The following IPO5 variants were observed in gnomAD, a reference collection of about 807,000 sequenced individuals.
IPO5 encodes importin-5.
A neutral mutation model predicts 143.3 loss-of-function variants in IPO5; 18 were observed. The observed-to-expected ratio is 0.13, with a 90% confidence interval of 0.09 to 0.19. The LOEUF is 0.19. Among genes scored for constraint, IPO5 ranks in the 10% least tolerant of loss-of-function variants. The pLI, the probability that IPO5 is intolerant of heterozygous loss-of-function variation, is 1.00. For synonymous variants in IPO5, 477 were observed against 465.7 expected (o/e 1.02, Z -0.31); for missense variants, 1,013 against 1,336.9 (o/e 0.76, Z 3.78).
intron 21 of IPO5, among the ~76,000 whole-genome samples, chr13:98,013,270 G>A (rs1181430212): frequency 6.6e-6 from 1 of 152,056 alleles, no homozygotes; most frequent in African/African-American, 2.4e-5. Flanking sequence ...GTAGAGACGG[G>A]CTTTCACCAC....
At chr13:97,979,724 G>T (rs645882) in intron 4 of IPO5, 1 of 353,374 alleles carries the variant, frequency 2.8e-6, no homozygotes, top group Non-Finnish European at 5.6e-6. Context: ...TAGAGACAGG[G>T]TCTTGCTGTG....
intron 3 of IPO5, chr13:97,975,749 C>G: frequency 6.2e-6 from 1 of 161,582 alleles, no homozygotes. Flanking sequence ...AACAGAATCC[C>G]TAAACAAGGG....
intron 13 of IPO5, 165 bp downstream of exon 13, chr13:98,000,810 T>G: frequency 1.7e-6 from 1 of 586,580 alleles, no homozygotes; most frequent in Non-Finnish European, 3.1e-6. Flanking sequence ...CCAAAGAAAA[T>G]GTACAGATTT....
At position 97,993,202 on chromosome 13, in the gene IPO5, A is replaced by G. The variant is rs764386112; in HGVS notation, c.890A>G (p.His297Arg). ...ACTGCAGCTGCTATGTTAAGAAAAC[A>G]TACCAATATTGTTGCACAGACTAGT... ...SETAAAMLRK[H>R]TNIVAQTIPQ... The change falls in exon 11 of 29, where the codon CAT becomes CGT. Residue 297 changes from histidine (H) to arginine (R), a missense_variant. Coordinates refer to ENST00000651721, the MANE Select transcript of IPO5 (RefSeq NM_002271.6). The G allele has an allele frequency of 6.8e-6, 11 of 1,613,994 alleles. No individual in the cohort carries two copies. Among genetic ancestry groups the G allele is most frequent in the Non-Finnish European group, 8.5e-6 (10 of 1,179,984 alleles).
Position 97,989,278 on chromosome 13 carries a change from T to A in IPO5, c.467+114T>A, listed in dbSNP as rs1003742857. ...TTATACTTAAAATGATAATAATGCC[T>A]TTACATAAGTTTTGTTTGTATTTGT... On this transcript the variant is annotated intron_variant, in intron 7 of 28. Transcript: ENST00000651721. 1.6e-5 allele frequency: 9 copies of A among 545,794 alleles called. No homozygotes were observed. The African/African-American group carries it at 1.8e-4, about 11-fold the overall frequency. The allele number at this position is 545,794 out of a possible 1,614,324, so 33.8% of individuals were successfully genotyped here.
chr13:98,007,123 G>A (rs1322255808), intron 17 of IPO5, among the ~76,000 whole-genome samples: 2 of 151,980 alleles, frequency 1.3e-5, no homozygotes, highest in Non-Finnish European at 2.9e-5. Context: ...TCTGCTCACA[G>A]GTGTGAGCCA....
rs201279072 is a variant in IPO5 at position 98,008,041 on chromosome 13, C to G, written c.1717-18C>G. 6.5e-7 allele frequency: 1 copy of G among 1,538,172 alleles called. No individual in the cohort carries two copies. The highest frequency in any genetic ancestry group is 1.4e-5 in the African/African-American group (1 of 73,316). On this transcript the variant is annotated intron_variant, in intron 17 of 28. Transcript: ENST00000651721. ...AAATTCGGTATCAACAAGTGTGTCT[C>G]TACATATTTTCCTCTAGTTCATGCA... is the stretch of plus-strand genomic sequence containing the variant.
At chr13:97,953,912 T>C in intron 1 of IPO5, 196 bp downstream of exon 1, 1 of 456,112 alleles carries the variant, frequency 2.2e-6, no homozygotes. Context: ...TGGAGAACAT[T>C]CTACACAAAA....
intron 20 of IPO5, among the ~76,000 whole-genome samples, chr13:98,010,590 G>A (rs1214281201): frequency 6.6e-6 from 1 of 152,054 alleles, no homozygotes; most frequent in Non-Finnish European, 1.5e-5. Context: ...ATGAACAGAA[G>A]TGTGTTCATG....
rs867180035 is a variant in IPO5, at chr13:98,019,751, C to T, written c.3007C>T (p.His1003Tyr). Reference protein sequence around the residue: ...LPHWLSWLPLHEDKEEAVQTF... With the variant: ...LPHWLSWLPLYEDKEEAVQTF... ...ACACTGGTTGTCTTGGCTTCCACTA[C>T]ATGAAGATAAAGAAGAAGCTGTTCA... Residue 1003 changes from histidine to tyrosine, a missense_variant, in exon 27 of 29, where the codon CAT (histidine) becomes TAT (tyrosine). Coordinates refer to ENST00000651721, the MANE Select transcript of IPO5 (RefSeq NM_002271.6). 6.2e-7 allele frequency: 1 copy of T among 1,614,070 alleles called. No individual in the cohort carries two copies. The highest frequency in any genetic ancestry group is 8.5e-7 in the Non-Finnish European group (1 of 1,179,934).
intron 25 of IPO5, among the ~76,000 whole-genome samples, chr13:98,017,213 C>G (rs143481992): frequency 6.6e-6 from 1 of 150,834 alleles, no homozygotes; most frequent in African/African-American, 2.4e-5. Context: ...TTATGTACTA[C>G]CAGCAATCAT....
intron 4 of IPO5, among the ~76,000 whole-genome samples, chr13:97,981,769 T>G (rs1886866110): frequency 6.6e-6 from 1 of 152,228 alleles, no homozygotes; most frequent in Admixed American, 6.5e-5. Context: ...GGACAGCATA[T>G]AGTTGGTTCT....
At chr13:97,983,537 A>AGCCC (rs1887035838) in intron 5 of IPO5, among the ~76,000 whole-genome samples, 1 of 99,552 alleles carries the variant, frequency 1.0e-5, no homozygotes, top group African/African-American at 3.7e-5. Flanking sequence ...AGCTAATTCC[A>AGCCC]CCCCCCCCCC....
chr13:97,965,430 G>A (rs1885250015), intron 2 of IPO5, among the ~76,000 whole-genome samples: 1 of 152,082 alleles, frequency 6.6e-6, no homozygotes, highest in Non-Finnish European at 1.5e-5. Context: ...TGAATCTATA[G>A]ATTAAGGGAG....
At chr13:97,997,381 T>C in intron 11 of IPO5, 150 bp from the exon 12 acceptor site, 1 of 432,146 alleles carries the variant, frequency 2.3e-6, no homozygotes, top group Admixed American at 4.1e-5. Flanking sequence ...GGTTAAAATT[T>C]AACAAACCAG....
intron 3 of IPO5, among the ~76,000 whole-genome samples, chr13:97,974,753 A>G (rs1265080116): frequency 6.6e-6 from 1 of 152,146 alleles, no homozygotes; most frequent in African/African-American, 2.4e-5. Context: ...TGGTTTGTCT[A>G]GAAGAAATAA....
At chr13:97,967,818 A>G (rs1160109396) in intron 2 of IPO5, among the ~76,000 whole-genome samples, 1 of 152,082 alleles carries the variant, frequency 6.6e-6, no homozygotes, top group South Asian at 2.1e-4. Flanking sequence ...TTTTTAGCAG[A>G]GACGGCGTTT....
chr13:98,021,536 C>T (rs1296448572), intron 28 of IPO5, 200 bp from the exon 29 acceptor site: 2 of 408,692 alleles, frequency 4.9e-6, no homozygotes, highest in Non-Finnish European at 8.7e-6. Flanking sequence ...TTTTTCAGTG[C>T]AAAAATGAAG....
intron 5 of IPO5, among the ~76,000 whole-genome samples, chr13:97,983,472 A>C (rs1887027240): frequency 6.6e-6 from 1 of 151,712 alleles, no homozygotes; most frequent in African/African-American, 2.4e-5. Flanking sequence ...TATGGTAAAA[A>C]CAAGGCTATT....
Sources: allele counts gnomAD v4.1 joint callset (sites outside exome capture counted in the v4.1 genomes callset), GRCh38; gene constraint gnomAD v4.1.1; transcripts MANE v1.5; gene names NCBI Gene and HGNC (gene_info 2026-07-23, HGNC 2026-07-21).